The following MYO3B variants were observed in gnomAD, a reference collection of about 807,000 sequenced individuals.
MYO3B encodes myosin IIIB.
A neutral mutation model predicts 174.6 loss-of-function variants in MYO3B; 156 were observed. The ratio of observed to expected loss-of-function variants is 0.89; its 90% CI spans 0.78 to 1.02. The LOEUF (loss-of-function observed/expected upper bound fraction) is 1.02, where lower values mean the gene tolerates loss of function less well. Among genes scored for constraint, MYO3B ranks in the 50% least tolerant of loss-of-function variants. The pLI is 0.00. For synonymous variants in MYO3B, 563 were observed against 569.1 expected, an observed-to-expected ratio of 0.99 and a Z score of 0.15; for missense variants, 1,632 against 1,639.4, an observed-to-expected ratio of 1.00 and a Z score of 0.08.
At chr2:170,503,086 C>A (rs1480647405) in intron 28 of MYO3B, among the ~76,000 whole-genome samples, 1 of 152,232 alleles carries the variant, frequency 6.6e-6, no homozygotes, top group African/African-American at 2.4e-5. Flanking sequence ...TGCCTCCCAA[C>A]ACGCACACAA....
chr2:170,578,640 G>A (rs1415104203), intron 32 of MYO3B, among the ~76,000 whole-genome samples: 1 of 152,220 alleles, frequency 6.6e-6, no homozygotes. Flanking sequence ...GTCCTAGTGT[G>A]TTAATGTATT....
intron 24 of MYO3B, among the ~76,000 whole-genome samples, chr2:170,463,810 TGTAAAACC>T (rs1204337285): frequency 6.6e-6 from 1 of 152,208 alleles, no homozygotes; most frequent in African/African-American, 2.4e-5. Context: ...ATTGACCCCT[TGTAAAACC>T]CACTTGTCTG....
At chr2:170,350,263 A>C (rs1251882740) in intron 8 of MYO3B, 1 of 151,516 alleles carries the variant, frequency 6.6e-6, no homozygotes, top group Non-Finnish European at 1.5e-5. Flanking sequence ...CCTCCCAAAA[A>C]CCGAAATTTT....
chr2:170,377,208 T>G (rs576379687), intron 9 of MYO3B, among the ~76,000 whole-genome samples: 1 of 152,360 alleles, frequency 6.6e-6, no homozygotes, highest in South Asian at 2.1e-4. Context: ...GAAATGGTTT[T>G]AACCATAATG....
chr2:170,294,776 G>GAT (rs1474596043), intron 7 of MYO3B, among the ~76,000 whole-genome samples: 2 of 152,178 alleles, frequency 1.3e-5, no homozygotes, highest in East Asian at 3.9e-4. Flanking sequence ...TGAACTTTAA[G>GAT]ATAAACTATG....
At position 170,531,549 on chromosome 2, in the gene MYO3B, T is replaced by A. The variant is rs577725990; in HGVS notation, c.3576-11357T>A. On this transcript the variant is annotated intron_variant, in intron 30 of 34. Transcript: ENST00000408978. ...GGTAACATATACAAAGTATGTAGCA[T>A]CTCATTTGATGCATAAAAAGCACTC... Among the ~76,000 whole-genome samples the A allele has an allele frequency of 9.8e-5, 15 of 152,302 alleles. No homozygotes were observed. The East Asian group carries it at 2.9e-3, about 29-fold the overall frequency.
chr2:170,497,444 G>A (rs981686990), intron 25 of MYO3B, among the ~76,000 whole-genome samples: 117 of 151,638 alleles, frequency 7.7e-4, no homozygotes, highest in Non-Finnish European at 1.4e-3. Context: ...GTGAAACTCT[G>A]TCTGTACTAA....
Position 170,466,636 on chromosome 2 carries a change from C to G in MYO3B, c.2939C>G (p.Thr980Arg). ...AGGGTGCTGGCCCAGCTCCGCTCCA[C>G]AGGGATTCTGGAGACAGTCAGCATC... ...RERVLAQLRS[T>R]GILETVSIRR... is the part of the protein sequence containing the mutation. The change falls in exon 25 of 35, where the codon ACA (threonine) becomes AGA (arginine). Residue 980 changes from threonine (T) to arginine (R), a missense_variant. Transcript: ENST00000408978. 6.2e-7 allele frequency: 1 copy of G among 1,614,246 alleles called. No homozygotes were observed. Among genetic ancestry groups the G allele is most frequent in the Non-Finnish European group, 8.5e-7 (1 of 1,180,052 alleles).
At chr2:170,585,242 C>G (rs912280956) in intron 32 of MYO3B, among the ~76,000 whole-genome samples, 1 of 152,176 alleles carries the variant, frequency 6.6e-6, no homozygotes, top group Non-Finnish European at 1.5e-5. Context: ...AGCATGTCCT[C>G]AGGTTTCTAC....
chr2:170,229,823 G>A (rs2092994733), intron 6 of MYO3B, among the ~76,000 whole-genome samples: 1 of 152,112 alleles, frequency 6.6e-6, no homozygotes, highest in Admixed American at 6.5e-5. Context: ...GTAAGCTCAG[G>A]TTCTTATACA....
intron 1 of MYO3B, among the ~76,000 whole-genome samples, chr2:170,194,005 T>G (rs1222595500): frequency 6.6e-6 from 1 of 152,190 alleles, no homozygotes; most frequent in Non-Finnish European, 1.5e-5. Flanking sequence ...GCTTTATTTC[T>G]AAGTATAAAT....
In MYO3B at chr2:170,201,225, G is replaced by A. The variant is rs555733529; in HGVS notation, c.321+941G>A. ...TTCCCTATGAGGCTAAAATGACAAGGAAAATAATGACAGTATATGAATTAA... is the reference window on the plus strand; with the variant it reads ...TTCCCTATGAGGCTAAAATGACAAGAAAAATAATGACAGTATATGAATTAA... On this transcript the variant is annotated intron_variant, in intron 3 of 34. Coordinates refer to ENST00000408978, the MANE Select transcript of MYO3B (RefSeq NM_138995.5). 2.0e-5 allele frequency among the ~76,000 whole-genome samples: 3 copies of A among 152,298 alleles called. No individual in the cohort carries two copies. The South Asian group carries it at 6.2e-4, about 32-fold the overall frequency.
At chr2:170,298,081 A>C (rs2105436219) in intron 7 of MYO3B, among the ~76,000 whole-genome samples, 1 of 152,344 alleles carries the variant, frequency 6.6e-6, no homozygotes, top group African/African-American at 2.4e-5. Context: ...ATATGACATA[A>C]ATATTCCAGG....
intron 5 of MYO3B, among the ~76,000 whole-genome samples, 181 bp from the exon 6 acceptor site, chr2:170,217,138 C>A (rs1318562224): frequency 6.6e-6 from 1 of 152,094 alleles, no homozygotes; most frequent in Non-Finnish European, 1.5e-5. Flanking sequence ...CACATTCATT[C>A]ATTTATGTGT....
At chr2:170,396,993 T>C (rs2094445472) in intron 16 of MYO3B, among the ~76,000 whole-genome samples, 1 of 151,826 alleles carries the variant, frequency 6.6e-6, no homozygotes, top group African/African-American at 2.4e-5. Flanking sequence ...TCTGTGGGAG[T>C]TGCTCAGTGT....
intron 6 of MYO3B, among the ~76,000 whole-genome samples, chr2:170,217,674 A>T (rs1422805289): frequency 6.6e-6 from 1 of 152,192 alleles, no homozygotes; most frequent in Non-Finnish European, 1.5e-5. Flanking sequence ...TGTCTTGGCA[A>T]ATTCATCAGC....
chr2:170,368,190 T>G (rs2094212531), intron 8 of MYO3B, among the ~76,000 whole-genome samples: 1 of 152,216 alleles, frequency 6.6e-6, no homozygotes. Flanking sequence ...TGAATTTCAT[T>G]AAAAATACGT....
intron 6 of MYO3B, among the ~76,000 whole-genome samples, chr2:170,225,804 A>G (rs552947682): frequency 6.6e-6 from 1 of 152,282 alleles, no homozygotes; most frequent in South Asian, 2.1e-4. Flanking sequence ...AAATGGGGAG[A>G]AAAAAACCTG....
chr2:170,182,698 G>A (rs1478093599), intron 1 of MYO3B, among the ~76,000 whole-genome samples: 2 of 145,220 alleles, frequency 1.4e-5, no homozygotes, highest in African/African-American at 2.5e-5. Flanking sequence ...TGCAACCTAC[G>A]CCTCCCAGGT....
Sources: allele counts gnomAD v4.1 joint callset (sites outside exome capture counted in the v4.1 genomes callset), GRCh38; gene constraint gnomAD v4.1.1; transcripts MANE v1.5; gene names NCBI Gene and HGNC (gene_info 2026-07-23, HGNC 2026-07-21).